EPHA5: variants seen among roughly 807,000 people sequenced by gnomAD.
EPHA5 encodes the protein ephrin type-A receptor 5.
In EPHA5, 60 loss-of-function variants were observed where a neutral mutation model predicts 105.0. That is an observed-to-expected ratio of 0.57 (90% CI 0.46 to 0.71). The LOEUF (loss-of-function observed/expected upper bound fraction) is 0.71, where lower values mean the gene tolerates loss of function less well. Among genes scored for constraint, EPHA5 ranks in the 30% least tolerant of loss-of-function variants. The pLI, the probability that EPHA5 is intolerant of heterozygous loss-of-function variation, is 0.00. For synonymous variants in EPHA5, 513 were observed against 449.1 expected, an observed-to-expected ratio of 1.14 and a Z score of -1.80; for missense variants, 1,218 against 1,274.7, an observed-to-expected ratio of 0.96 and a Z score of 0.68.
chr4:65,499,401 C>T (rs1732262447), intron 3 of EPHA5, among the ~76,000 whole-genome samples: 1 of 151,568 alleles, frequency 6.6e-6, no homozygotes, highest in South Asian at 2.1e-4. Flanking sequence ...CTATCAATCT[C>T]ACATGATTCC....
chr4:65,414,287 C>T lies in EPHA5; in HGVS notation c.1684G>A (p.Val562Met), dbSNP rs2149018331. ...GACAGTAATTAAAATGACTTACACA[C>T]TGGGGTGGTTTCAAACTCAAATCTT... ...SRRFEFETTP[V>M]SVAASSDQSQ... Residue 562 changes from valine to methionine, a missense_variant, in exon 7 of 17, where the codon GTG becomes ATG. This residue lies in a region of EPHA5 where 971 missense variants were observed against 1,013.5 expected (regional missense o/e 0.96). Coordinates refer to ENST00000613740, the MANE Select transcript of EPHA5 (RefSeq NM_001281766.3). 6.2e-7 allele frequency: 1 copy of T among 1,613,706 alleles called. No homozygotes were observed. Among genetic ancestry groups the T allele is most frequent in the Non-Finnish European group, 8.5e-7 (1 of 1,179,742 alleles).
chr4:65,468,566 TTATATA>T lies in EPHA5; in HGVS notation c.1402+21805_1402+21810del, dbSNP rs10578603. Among the ~76,000 whole-genome samples, 12 of 122,036 alleles carry T rather than the reference TTATATA, an allele frequency of 9.8e-5. No individual in the cohort carries two copies. In the East Asian group the frequency reaches 2.6e-3, roughly 27 times the overall value. The allele number at this position is 122,036 out of a possible 152,430, so 80.1% of individuals were successfully genotyped here. ...ATATATATAATATATATATTATATA[TTATATA>T]TATATATGTAAAATATATATAATAT... On this transcript the variant is annotated intron_variant, in intron 5 of 16. Coordinates refer to ENST00000613740, the MANE Select transcript of EPHA5 (RefSeq NM_001281766.3).
chr4:65,561,621 AG>A, intron 3 of EPHA5, among the ~76,000 whole-genome samples: 1 of 152,256 alleles, frequency 6.6e-6, no homozygotes, highest in South Asian at 2.1e-4. Flanking sequence ...TGAGAGTAAC[AG>A]GAACATTAAG....
At chr4:65,598,685 C>A (rs1014689791) in intron 3 of EPHA5, among the ~76,000 whole-genome samples, 1 of 152,134 alleles carries the variant, frequency 6.6e-6, no homozygotes, top group Non-Finnish European at 1.5e-5. Context: ...ATTGGGGCAT[C>A]TTCTCTGTAG....
chr4:65,440,455 T>C (rs552223861), intron 5 of EPHA5, among the ~76,000 whole-genome samples: 38 of 151,580 alleles, frequency 2.5e-4, no homozygotes, highest in Admixed American at 9.9e-4. Context: ...AAGGAAAATA[T>C]GTAAATCTTT....
At chr4:65,387,898 T>C (rs1280892920) in intron 8 of EPHA5, among the ~76,000 whole-genome samples, 1 of 150,358 alleles carries the variant, frequency 6.7e-6, no homozygotes, top group Non-Finnish European at 1.5e-5. Flanking sequence ...ACATGAGCCA[T>C]GCTGGTGTGC....
intron 5 of EPHA5, among the ~76,000 whole-genome samples, chr4:65,467,539 C>A (rs1728837370): frequency 1.3e-5 from 2 of 152,156 alleles, no homozygotes; most frequent in African/African-American, 4.8e-5. Context: ...CAGCCTGCTG[C>A]AGGTTGAAAG....
intron 1 of EPHA5, among the ~76,000 whole-genome samples, chr4:65,660,827 T>G (rs1241765038): frequency 6.6e-6 from 1 of 152,028 alleles, no homozygotes; most frequent in Non-Finnish European, 1.5e-5. Context: ...ATGAGCAAAG[T>G]GTTCATAAAA....
intron 1 of EPHA5, among the ~76,000 whole-genome samples, chr4:65,656,090 T>C (rs1578705412): frequency 6.8e-6 from 1 of 147,924 alleles, no homozygotes; most frequent in East Asian, 2.0e-4. Context: ...AGGTATTAGG[T>C]TTCCACAGTG....
At chr4:65,500,194 C>T (rs1732338249) in intron 3 of EPHA5, among the ~76,000 whole-genome samples, 1 of 151,310 alleles carries the variant, frequency 6.6e-6, no homozygotes. Context: ...CTGGAGCAAA[C>T]TTGTTTCATA....
At chr4:65,454,137 G>A (rs1198337834) in intron 5 of EPHA5, among the ~76,000 whole-genome samples, 2 of 152,006 alleles carry the variant, frequency 1.3e-5, no homozygotes, top group African/African-American at 4.8e-5. Context: ...AAAATTAGCC[G>A]GGCATGGTGG....
At chr4:65,409,346 A>AAAGTAAATAAATAAATAAAT (rs1553910971) in intron 7 of EPHA5, among the ~76,000 whole-genome samples, 1 of 134,212 alleles carries the variant, frequency 7.5e-6, no homozygotes, top group East Asian at 2.2e-4. Flanking sequence ...ATAATAATAA[A>AAAGTAAATAAATAAATAAAT]AAATAAATAA....
chr4:65,612,520 G>T (rs1391408904), intron 2 of EPHA5, among the ~76,000 whole-genome samples: 1 of 152,014 alleles, frequency 6.6e-6, no homozygotes, highest in African/African-American at 2.4e-5. Flanking sequence ...CTTTATTATT[G>T]AGTAATATTT....
In EPHA5 at chr4:65,514,893, A is replaced by T. The variant is rs554151705; in HGVS notation, c.911-19350T>A. Among the ~76,000 whole-genome samples, 24 of 152,142 alleles carry T rather than the reference A, an allele frequency of 1.6e-4. No homozygotes were observed. The South Asian group carries it at 4.2e-3, about 26-fold the overall frequency. On this transcript the variant is annotated intron_variant, in intron 3 of 16. Coordinates refer to ENST00000613740, the MANE Select transcript of EPHA5 (RefSeq NM_001281766.3). ...CACAACACCTAGGCCCTTGACCTCA[A>T]CTCCAATAATCATCCTATCCCTTTC...
chr4:65,336,681 T>C (rs1030182004), intron 14 of EPHA5, among the ~76,000 whole-genome samples: 4 of 152,130 alleles, frequency 2.6e-5, no homozygotes, highest in African/African-American at 9.7e-5. Context: ...TATTATCATC[T>C]GCTGATTTCT....
chr4:65,420,249 CTA>C (rs1723812279), intron 6 of EPHA5, among the ~76,000 whole-genome samples, 190 bp downstream of exon 6: 1 of 152,116 alleles, frequency 6.6e-6, no homozygotes, highest in Non-Finnish European at 1.5e-5. Flanking sequence ...GCAGTGTAAA[CTA>C]TGTGGCAGCA....
At chr4:65,403,825 T>C (rs1578030529) in intron 8 of EPHA5, among the ~76,000 whole-genome samples, 1 of 152,110 alleles carries the variant, frequency 6.6e-6, no homozygotes, top group African/African-American at 2.4e-5. Flanking sequence ...GTATATATCA[T>C]GATTGAAGTA....
chr4:65,590,192 T>C (rs1035622345), intron 3 of EPHA5, among the ~76,000 whole-genome samples: 6 of 152,178 alleles, frequency 3.9e-5, no homozygotes, highest in African/African-American at 1.2e-4. Context: ...CCTTACCTTT[T>C]CTTTTATAAA....
At chr4:65,646,164 C>T (rs1748095560) in intron 1 of EPHA5, among the ~76,000 whole-genome samples, 2 of 152,124 alleles carry the variant, frequency 1.3e-5, no homozygotes, top group South Asian at 2.1e-4. Flanking sequence ...CTTCAGGACA[C>T]TATTCTGATC....
Sources: gnomAD v4.1 joint callset for allele counts (sites outside exome capture counted in the v4.1 genomes callset) on GRCh38, gnomAD v4.1.1 for gene constraint, gnomAD v4.1.1 regional missense constraint, MANE v1.5 for transcripts, NCBI Gene and HGNC (gene_info 2026-07-23, HGNC 2026-07-21) for gene names.